The following GNG7 variants were observed in gnomAD, a reference collection of about 807,000 sequenced individuals.
The protein encoded by GNG7 is guanine nucleotide-binding protein G(I)/G(S)/G(O) subunit gamma-7.
GNG7 carries 1 observed loss-of-function variant against 4.0 expected under a neutral mutation model. The ratio of observed to expected loss-of-function variants is 0.25; its 90% CI spans 0.09 to 1.18. The LOEUF is 1.18. Ranked by LOEUF, GNG7 falls within the 50% of genes most tolerant of loss-of-function variation. The probability of loss-of-function intolerance (pLI) is 0.50; values close to 1 mark genes in which losing one functional copy is unlikely to be tolerated. For missense variants in GNG7, 86 were observed against 91.9 expected, an observed-to-expected ratio of 0.94 and a Z score of 0.26; for synonymous variants, 34 against 36.9, an observed-to-expected ratio of 0.92 and a Z score of 0.29.
chr19:2,631,781 T>C (rs1415679267), intron 2 of GNG7, among the ~76,000 whole-genome samples: 2 of 152,224 alleles, frequency 1.3e-5, no homozygotes, highest in Non-Finnish European at 2.9e-5. Flanking sequence ...ACTTTATTTA[T>C]AAAAACAGGA....
chr19:2,554,149 A>T (rs1367471655), intron 3 of GNG7, among the ~76,000 whole-genome samples: 1 of 146,262 alleles, frequency 6.8e-6, no homozygotes, highest in Admixed American at 7.0e-5. Context: ...GCAGTGAACT[A>T]TAATATATTA....
intron 2 of GNG7, among the ~76,000 whole-genome samples, chr19:2,579,870 G>A (rs1445734138): frequency 6.6e-6 from 1 of 152,186 alleles, no homozygotes; most frequent in South Asian, 2.1e-4. Context: ...TCCTCTCCCA[G>A]TTCTGGAGGC....
chr19:2,564,884 C>T (rs1265508775), intron 2 of GNG7, among the ~76,000 whole-genome samples: 2 of 47,856 alleles, frequency 4.2e-5, no homozygotes, highest in African/African-American at 3.6e-4. Context: ...ATACATTGGT[C>T]ATTTAAAAAA....
At chr19:2,566,422 G>A (rs1456641450) in intron 2 of GNG7, among the ~76,000 whole-genome samples, 7 of 152,120 alleles carry the variant, frequency 4.6e-5, no homozygotes, top group Non-Finnish European at 8.8e-5. Context: ...TCTCCAGAGC[G>A]GAGAGAGAAT....
chr19:2,512,027 C>G lies in GNG7; in HGVS notation c.*2995G>C. 1 of 985,872 alleles carries G rather than the reference C, an allele frequency of 1.0e-6. No individual in the cohort carries two copies. Among genetic ancestry groups the G allele is most frequent in the African/African-American group, 1.7e-5 (1 of 57,350 alleles). 61.1% of individuals were successfully genotyped at this position (985,872 alleles called of 1,614,324 possible). On this transcript the variant is annotated 3_prime_UTR_variant, in exon 5 of 5. Coordinates refer to ENST00000382159, the MANE Select transcript of GNG7 (RefSeq NM_052847.3). The surrounding 1 kb of genome is among the most constrained non-coding windows in gnomAD (Gnocchi z 4.7). ...AGCAGCGGGGAAGGCCCGTGGGAGA[C>G]CCAGGCTACAGAAGGAGAAACGGCC...
chr19:2,553,976 A>G (rs1053881338), intron 3 of GNG7, among the ~76,000 whole-genome samples: 2 of 57,100 alleles, frequency 3.5e-5, no homozygotes, highest in Non-Finnish European at 6.4e-5. Context: ...ATATGTATAT[A>G]TTATATGTAA....
At chr19:2,654,533 T>C (rs1328126411) in intron 1 of GNG7, among the ~76,000 whole-genome samples, 4 of 138,768 alleles carry the variant, frequency 2.9e-5, no homozygotes, top group African/African-American at 1.1e-4. Context: ...AAAGACCTCC[T>C]CAGTTAGGGG....
At chr19:2,685,755 G>A (rs777418274) in intron 1 of GNG7, among the ~76,000 whole-genome samples, 5 of 152,208 alleles carry the variant, frequency 3.3e-5, no homozygotes, top group Non-Finnish European at 5.9e-5. Flanking sequence ...GCCCAGTAAC[G>A]TCCGTGACCG....
intron 2 of GNG7, among the ~76,000 whole-genome samples, chr19:2,639,619 C>G: frequency 1.0e-4 from 1 of 9,640 alleles, no homozygotes; most frequent in African/African-American, 3.6e-3. Flanking sequence ...GCAGCACATC[C>G]ACTCGCAGGA....
At chr19:2,572,281 G>A (rs879366390) in intron 2 of GNG7, among the ~76,000 whole-genome samples, 10 of 152,026 alleles carry the variant, frequency 6.6e-5, no homozygotes, top group Non-Finnish European at 5.9e-5. Flanking sequence ...AGCTTCCCAC[G>A]TATCTGGGAC....
At chr19:2,541,005 C>A (rs532201540) in intron 3 of GNG7, among the ~76,000 whole-genome samples, 1 of 152,246 alleles carries the variant, frequency 6.6e-6, no homozygotes, top group African/African-American at 2.4e-5. Flanking sequence ...GAGAGCTGGC[C>A]GGGGCGGCCT....
At chr19:2,624,442 A>G (rs991498915) in intron 2 of GNG7, among the ~76,000 whole-genome samples, 49 of 151,148 alleles carry the variant, frequency 3.2e-4, no homozygotes, top group African/African-American at 8.8e-4. Flanking sequence ...GAGGCAGGAG[A>G]ATGGCGAGAA....
At chr19:2,658,770 A>G (rs1008127453) in intron 1 of GNG7, among the ~76,000 whole-genome samples, 1 of 152,186 alleles carries the variant, frequency 6.6e-6, no homozygotes, top group Non-Finnish European at 1.5e-5. Context: ...CCACTGGCTC[A>G]TTAGTTGTAA....
At chr19:2,549,170 C>T (rs148278307) in intron 3 of GNG7, among the ~76,000 whole-genome samples, 22 of 152,280 alleles carry the variant, frequency 1.4e-4, no homozygotes, top group South Asian at 6.2e-4. Flanking sequence ...TCTGGCTCAA[C>T]GCTCGACGCT....
At chr19:2,692,849 G>A (rs879347131) in intron 1 of GNG7, among the ~76,000 whole-genome samples, 2 of 151,768 alleles carry the variant, frequency 1.3e-5, no homozygotes, top group Non-Finnish European at 2.9e-5. Context: ...AGCCAGGTGT[G>A]GTGGTACATG....
In GNG7 at chr19:2,575,527, GCACACGCAGACAGGCAGGCACACGCAGA is replaced by G. The variant is rs1980283035; in HGVS notation, c.-77-20367_-77-20340del. Among the ~76,000 whole-genome samples, 3 of 141,296 alleles carry G rather than the reference GCACACGCAGACAGGCAGGCACACGCAGA, an allele frequency of 2.1e-5. No homozygotes were observed. In the Admixed American group the frequency reaches 2.1e-4, roughly 10 times the overall value. 92.7% of individuals were successfully genotyped at this position (141,296 alleles called of 152,430 possible). On this transcript the variant is annotated intron_variant, in intron 2 of 4. Coordinates refer to ENST00000382159, the MANE Select transcript of GNG7 (RefSeq NM_052847.3). ...CACACAGACATGCAGACACACGCAG[GCACACGCAGACAGGCAGGCACACGCAGA>G]CACACGCAGGCACACGCAGACACGC... is the stretch of plus-strand genomic sequence containing the variant.
chr19:2,640,494 G>T (rs573066431), intron 2 of GNG7, among the ~76,000 whole-genome samples: 5 of 151,078 alleles, frequency 3.3e-5, no homozygotes, highest in Admixed American at 6.6e-5. Flanking sequence ...AACCCTCCTT[G>T]TGTGAAATCT....
At chr19:2,605,479 G>A (rs1981349655) in intron 2 of GNG7, among the ~76,000 whole-genome samples, 1 of 146,484 alleles carries the variant, frequency 6.8e-6, no homozygotes, top group African/African-American at 2.5e-5. Context: ...GATTACAGGT[G>A]TGAGCCACCA....
intron 1 of GNG7, among the ~76,000 whole-genome samples, chr19:2,668,576 G>A (rs1983371079): frequency 6.6e-6 from 1 of 152,284 alleles, no homozygotes; most frequent in African/African-American, 2.4e-5. Context: ...CGGCAGCATG[G>A]TGTATTCCCT....
Sources: gnomAD v4.1 joint callset for allele counts (sites outside exome capture counted in the v4.1 genomes callset) on GRCh38, gnomAD v4.1.1 for gene constraint, Gnocchi (gnomAD v3.1) non-coding constraint, MANE v1.5 for transcripts, NCBI Gene and HGNC (gene_info 2026-07-23, HGNC 2026-07-21) for gene names.